VAV2: variants seen among roughly 807,000 people sequenced by gnomAD.
The protein encoded by VAV2 is guanine nucleotide exchange factor VAV2.
VAV2 carries 67 observed loss-of-function variants against 132.5 expected under a neutral mutation model. The observed-to-expected ratio is 0.51, with a 90% confidence interval of 0.42 to 0.62. The LOEUF (loss-of-function observed/expected upper bound fraction) is 0.62, where lower values mean the gene tolerates loss of function less well. Among genes scored for constraint, VAV2 ranks in the 20% least tolerant of loss-of-function variants. The pLI, the probability that VAV2 is intolerant of heterozygous loss-of-function variation, is 0.00. For synonymous variants in VAV2, 492 were observed against 443.5 expected (o/e 1.11, Z -1.37); for missense variants, 938 against 1,153.6 (o/e 0.81, Z 2.71).
At chr9:133,936,075 G>C (rs550831624) in intron 2 of VAV2, among the ~76,000 whole-genome samples, 2 of 152,290 alleles carry the variant, frequency 1.3e-5, no homozygotes, top group South Asian at 2.1e-4. Flanking sequence ...GGAACTTTGA[G>C]GGTGGGAGTG....
intron 2 of VAV2, among the ~76,000 whole-genome samples, chr9:133,913,347 C>A (rs775902797): frequency 6.6e-6 from 1 of 152,222 alleles, no homozygotes; most frequent in Non-Finnish European, 1.5e-5. Flanking sequence ...CGATCGCAGG[C>A]ACCAGCCACC....
intron 1 of VAV2, among the ~76,000 whole-genome samples, chr9:133,962,931 T>G (rs1842012096): frequency 6.6e-6 from 1 of 152,204 alleles, no homozygotes; most frequent in Admixed American, 6.5e-5. Flanking sequence ...GCTAAAAGTC[T>G]TCTTTTTCCA....
In VAV2 at chr9:133,784,300, C is replaced by A. The variant is rs368240545; in HGVS notation, c.1634+17G>T. On this transcript the variant is annotated intron_variant, in intron 18 of 29. Transcript: ENST00000371850. The stretch of plus-strand genomic sequence containing the variant: ...GCGTGGAGCGAGGTGAGGGCTGTAG[C>A]AGGGGGTTTCCCACACCTGAGGAAC... The A allele has an allele frequency of 1.1e-5, 17 of 1,612,550 alleles. No homozygotes were observed. The highest frequency in any genetic ancestry group is 1.7e-5 in the Admixed American group (1 of 60,008).
chr9:133,810,278 G>A, intron 5 of VAV2, 73 bp from the exon 6 acceptor site: 2 of 1,603,906 alleles, frequency 1.2e-6, no homozygotes, highest in Non-Finnish European at 1.7e-6. Context: ...AGCTGGGCCT[G>A]GGACATCAGG....
intron 2 of VAV2, among the ~76,000 whole-genome samples, chr9:133,932,375 C>G (rs1012425885): frequency 1.3e-5 from 2 of 152,208 alleles, no homozygotes; most frequent in African/African-American, 4.8e-5. Flanking sequence ...GCACGCCCAC[C>G]CCGGGCAGCA....
At chr9:133,861,110 T>C (rs1837575640) in intron 3 of VAV2, 2 of 429,814 alleles carry the variant, frequency 4.7e-6, no homozygotes, top group Non-Finnish European at 8.3e-6. Context: ...AGGATTAATT[T>C]GCTGATCTTA....
At chr9:133,809,744 C>T (rs1189870011) in intron 6 of VAV2, among the ~76,000 whole-genome samples, 3 of 152,168 alleles carry the variant, frequency 2.0e-5, no homozygotes, top group Non-Finnish European at 2.9e-5. Flanking sequence ...GGAATGTGGC[C>T]GGGACAGGAT....
At chr9:133,967,455 C>T (rs452943) in intron 1 of VAV2, among the ~76,000 whole-genome samples, 66,733 of 152,108 alleles carry the variant, frequency 0.44, 14,826 homozygotes, top group African/African-American at 0.49. Context: ...TGCACTCCCA[C>T]CTTTACCGTA....
intron 19 of VAV2, among the ~76,000 whole-genome samples, chr9:133,781,959 G>C (rs531018346): frequency 1.3e-5 from 2 of 152,298 alleles, no homozygotes; most frequent in East Asian, 1.9e-4. Context: ...GGGTGTGCGC[G>C]TCTGCAGAAA....
At chr9:133,905,329 G>C (rs2486333) in intron 2 of VAV2, among the ~76,000 whole-genome samples, 1 of 150,298 alleles carries the variant, frequency 6.7e-6, no homozygotes, top group East Asian at 2.0e-4. Flanking sequence ...CCAGCTACTC[G>C]GGAGGCTGAG....
rs746655862 is a variant in VAV2 at position 133,898,436 on chromosome 9, AT to A, written c.322-37005del. Among the ~76,000 whole-genome samples the A allele has an allele frequency of 1.8e-3, 267 of 149,444 alleles. 1 individual carries two copies. Among genetic ancestry groups the A allele is most frequent in the Middle Eastern group, 3.4e-3 (1 of 290 alleles). On this transcript the variant is annotated intron_variant, in intron 2 of 29. Transcript: ENST00000371850. The stretch of plus-strand genomic sequence containing the variant: ...AAACCTTGTCTCTACTAAAAAAAAA[AT>A]ACAAAAATCAGCCAGGCGTGGTGGC...
intron 2 of VAV2, among the ~76,000 whole-genome samples, chr9:133,877,139 C>G (rs772772875): frequency 3.7e-4 from 56 of 152,158 alleles, no homozygotes; most frequent in Non-Finnish European, 6.3e-4. Context: ...GAACCCCCGC[C>G]CGGCCTGCTA....
At chr9:133,929,696 C>A (rs1840609049) in intron 2 of VAV2, among the ~76,000 whole-genome samples, 1 of 152,138 alleles carries the variant, frequency 6.6e-6, no homozygotes, top group South Asian at 2.1e-4. Context: ...ACCACAGCTG[C>A]CCGTCCATCA....
At chr9:133,902,697 T>G (rs1164973752) in intron 2 of VAV2, among the ~76,000 whole-genome samples, 1 of 152,208 alleles carries the variant, frequency 6.6e-6, no homozygotes, top group Non-Finnish European at 1.5e-5. Context: ...ACCTTACTTG[T>G]ACAGAGACTT....
intron 2 of VAV2, among the ~76,000 whole-genome samples, chr9:133,873,082 C>T (rs1289154586): frequency 2.1e-5 from 2 of 95,976 alleles, no homozygotes. Context: ...CACTGCACTC[C>T]AGCCTGGGCG....
chr9:133,795,478 T>A (rs1312145063), intron 12 of VAV2, among the ~76,000 whole-genome samples, 190 bp downstream of exon 12: 1 of 152,088 alleles, frequency 6.6e-6, no homozygotes, highest in South Asian at 2.1e-4. Context: ...TGACCTGCAG[T>A]GCCCTCCACC....
intron 8 of VAV2, 54 bp from the exon 9 acceptor site, chr9:133,806,235 G>T: frequency 6.5e-7 from 1 of 1,550,004 alleles, no homozygotes; most frequent in East Asian, 2.4e-5. Flanking sequence ...AGGCTAGACG[G>T]GAGCGCCGCC....
intron 23 of VAV2, among the ~76,000 whole-genome samples, chr9:133,776,772 G>T (rs999544928): frequency 6.6e-6 from 1 of 152,094 alleles, no homozygotes; most frequent in Admixed American, 6.5e-5. Context: ...CTGGGGCTGG[G>T]GTCGGGGAGC....
At chr9:133,850,769 C>A (rs956244364) in intron 3 of VAV2, among the ~76,000 whole-genome samples, 2 of 152,240 alleles carry the variant, frequency 1.3e-5, no homozygotes, top group Non-Finnish European at 2.9e-5. Context: ...CATCTCACTG[C>A]CCTGATGTGC....
Sources: allele counts gnomAD v4.1 joint callset (sites outside exome capture counted in the v4.1 genomes callset), GRCh38; gene constraint gnomAD v4.1.1; transcripts MANE v1.5; gene names NCBI Gene and HGNC (gene_info 2026-07-23, HGNC 2026-07-21).